DNAJC3: variants seen among roughly 807,000 people sequenced by gnomAD.
The protein encoded by DNAJC3 is DnaJ heat shock protein family (Hsp40) member C3, also known as dnaJ homolog subfamily C member 3.
A neutral mutation model predicts 68.6 loss-of-function variants in DNAJC3; 38 were observed. That is an observed-to-expected ratio of 0.55 (90% CI 0.43 to 0.73). The LOEUF is 0.73. Among genes scored for constraint, DNAJC3 ranks in the 30% least tolerant of loss-of-function variants. The pLI, the probability that DNAJC3 is intolerant of heterozygous loss-of-function variation, is 0.00. For synonymous variants in DNAJC3, 203 were observed against 204.0 expected (o/e 1.00, Z 0.04); for missense variants, 526 against 591.9 (o/e 0.89, Z 1.16).
intron 1 of DNAJC3, among the ~76,000 whole-genome samples, chr13:95,690,890 C>T: frequency 1.4e-5 from 2 of 142,614 alleles, no homozygotes; most frequent in Admixed American, 6.8e-5. Context: ...CCTCACTTCC[C>T]AGACGGGGCG....
At position 95,763,842 on chromosome 13, in the gene DNAJC3, C is replaced by G. The variant is rs895651636; in HGVS notation, c.964C>G (p.Pro322Ala). ...TCACATTTCCTTTTAGGACGAGAAG[C>G]CTGTTGAAGCTATTAGGGTTTGTTC... is the stretch of plus-strand genomic sequence containing the variant. ...ICHCFSKDEK[P>A]VEAIRVCSEV... is the part of the protein sequence containing the mutation. The change falls in exon 9 of 12, where the codon CCT becomes GCT. Residue 322 changes from proline (P) to alanine (A), a missense_variant. Pro to Ala is a conservative substitution (Grantham distance 27, BLOSUM62 -1). Transcript: ENST00000602402. The G allele has an allele frequency of 6.2e-7, 1 of 1,613,970 alleles. No individual in the cohort carries two copies. Among genetic ancestry groups the G allele is most frequent in the Non-Finnish European group, 8.5e-7 (1 of 1,179,936 alleles).
At chr13:95,725,571 TA>T (rs1881480772) in intron 4 of DNAJC3, among the ~76,000 whole-genome samples, 1 of 152,226 alleles carries the variant, frequency 6.6e-6, no homozygotes, top group African/African-American at 2.4e-5. Context: ...GAACTACTTT[TA>T]AAGCCCTTGT....
At chr13:95,743,341 A>G (rs1307866921) in intron 4 of DNAJC3, among the ~76,000 whole-genome samples, 1 of 152,234 alleles carries the variant, frequency 6.6e-6, no homozygotes, top group Non-Finnish European at 1.5e-5. Flanking sequence ...AATGTGAGGT[A>G]CAGAAATCGT....
chr13:95,751,091 T>A (rs564479997), intron 4 of DNAJC3, among the ~76,000 whole-genome samples: 1 of 152,210 alleles, frequency 6.6e-6, no homozygotes, highest in South Asian at 2.1e-4. Context: ...AATAATTAAC[T>A]GGGTATGGTG....
chr13:95,720,382 G>A (rs957713989), intron 2 of DNAJC3, among the ~76,000 whole-genome samples: 32 of 152,132 alleles, frequency 2.1e-4, no homozygotes, highest in African/African-American at 6.5e-4. Context: ...CATATGTATT[G>A]TGAAACATTT....
At chr13:95,706,266 C>A (rs1481330164) in intron 1 of DNAJC3, among the ~76,000 whole-genome samples, 1 of 152,182 alleles carries the variant, frequency 6.6e-6, no homozygotes, top group Non-Finnish European at 1.5e-5. Context: ...CAGCCATAGA[C>A]AATATGGCCC....
chr13:95,733,831 T>G (rs1173166001), intron 4 of DNAJC3, among the ~76,000 whole-genome samples: 2 of 152,096 alleles, frequency 1.3e-5, no homozygotes, highest in African/African-American at 4.8e-5. Flanking sequence ...CCTTTACTTT[T>G]AGTCTTCGTG....
At position 95,792,547 on chromosome 13, in the gene DNAJC3, C is replaced by G. The variant is rs1566522408; in HGVS notation, c.*1517C>G. 1 of 152,198 alleles carries G rather than the reference C, an allele frequency of 6.6e-6. No individual in the cohort carries two copies. Among genetic ancestry groups the G allele is most frequent in the Non-Finnish European group, 1.5e-5 (1 of 68,038 alleles). 9.4% of individuals were successfully genotyped at this position (152,198 alleles called of 1,614,324 possible). ...ACAGCAAAGCACAAATCGTTTTCGTCTGTAGTCATATCCTGAAACATAGGT... is the reference window on the plus strand; with the variant it reads ...ACAGCAAAGCACAAATCGTTTTCGTGTGTAGTCATATCCTGAAACATAGGT... On this transcript the variant is annotated 3_prime_UTR_variant, in exon 12 of 12. Transcript: ENST00000602402.
intron 1 of DNAJC3, chr13:95,692,860 G>A (rs1307607223): frequency 3.8e-5 from 5 of 132,418 alleles, no homozygotes; most frequent in African/African-American, 1.5e-4. Flanking sequence ...TTGATCTTCT[G>A]CCCAGGCCGG....
intron 9 of DNAJC3, among the ~76,000 whole-genome samples, chr13:95,785,058 G>A (rs1011986330): frequency 4.6e-5 from 7 of 152,300 alleles, no homozygotes; most frequent in Middle Eastern, 6.8e-3. Context: ...TGACACTTAG[G>A]TTTGTAATAG....
Position 95,760,139 on chromosome 13 carries a change from A to C in DNAJC3, c.646A>C (p.Lys216Gln). Residue 216 changes from lysine to glutamine, a missense_variant, in exon 6 of 12, where the codon AAG (lysine) becomes CAG (glutamine). Coordinates refer to ENST00000602402, the MANE Select transcript of DNAJC3 (RefSeq NM_006260.5). ...KAISDLKAAS[K>Q]LKNDNTEAFY... ...TATAAGTGACTTAAAAGCTGCGTCA[A>C]AGTTGAAGAATGATAATACTGAAGC... 1 of 1,613,158 alleles carries C rather than the reference A, an allele frequency of 6.2e-7. No individual in the cohort carries two copies. Among genetic ancestry groups the C allele is most frequent in the Non-Finnish European group, 8.5e-7 (1 of 1,179,458 alleles).
intron 4 of DNAJC3, among the ~76,000 whole-genome samples, chr13:95,756,545 T>C (rs1243107285): frequency 6.6e-6 from 1 of 152,222 alleles, no homozygotes; most frequent in African/African-American, 2.4e-5. Context: ...GTTTCTCATT[T>C]GGAGTGTTCT....
At chr13:95,771,419 C>A (rs1250894857) in intron 9 of DNAJC3, among the ~76,000 whole-genome samples, 1 of 152,112 alleles carries the variant, frequency 6.6e-6, no homozygotes, top group East Asian at 1.9e-4. Context: ...GGGTTTGACT[C>A]TGACTCCAGC....
At chr13:95,786,187 T>C (rs934851943) in intron 10 of DNAJC3, 116 bp downstream of exon 10, 1 of 1,163,772 alleles carries the variant, frequency 8.6e-7, no homozygotes, top group Non-Finnish European at 1.2e-6. Flanking sequence ...TTCAGTCATA[T>C]GGATTAAACC....
chr13:95,788,596 G>A (rs987108304), intron 11 of DNAJC3, among the ~76,000 whole-genome samples: 1 of 152,166 alleles, frequency 6.6e-6, no homozygotes, highest in Non-Finnish European at 1.5e-5. Context: ...ATTTTCACTT[G>A]AAATAAATCT....
intron 2 of DNAJC3, among the ~76,000 whole-genome samples, chr13:95,722,259 C>G (rs1294950008): frequency 6.6e-6 from 1 of 152,190 alleles, no homozygotes; most frequent in African/African-American, 2.4e-5. Flanking sequence ...TAGTCTCACT[C>G]TCATTTCTGT....
intron 1 of DNAJC3, among the ~76,000 whole-genome samples, chr13:95,679,197 C>T (rs1879847958): frequency 1.0e-5 from 1 of 97,074 alleles, no homozygotes; most frequent in Non-Finnish European, 1.9e-5. Context: ...AAAAAATCAG[C>T]ACTTTTTTTT....
chr13:95,742,629 CTTAGG>C (rs772261090), intron 4 of DNAJC3: 1 of 510,966 alleles, frequency 2.0e-6, no homozygotes, highest in South Asian at 1.4e-5. Context: ...TCTTCTTCTT[CTTAGG>C]TGTTTCCTGT....
intron 9 of DNAJC3, among the ~76,000 whole-genome samples, chr13:95,776,932 A>T (rs556797511): frequency 2.0e-5 from 3 of 152,114 alleles, no homozygotes; most frequent in Non-Finnish European, 2.9e-5. Context: ...CTTCTGCACC[A>T]TCAGGGCACA....
Sources: allele counts gnomAD v4.1 joint callset (sites outside exome capture counted in the v4.1 genomes callset), GRCh38; gene constraint gnomAD v4.1.1; transcripts MANE v1.5; gene names NCBI Gene and HGNC (gene_info 2026-07-23, HGNC 2026-07-21).